The following PRPF6 variants were observed in gnomAD, a reference collection of about 807,000 sequenced individuals.
PRPF6 encodes pre-mRNA-processing factor 6.
A neutral mutation model predicts 118.3 loss-of-function variants in PRPF6; 42 were observed. That is an observed-to-expected ratio of 0.35 (90% CI 0.28 to 0.46). The LOEUF (loss-of-function observed/expected upper bound fraction) is 0.46, where lower values mean the gene tolerates loss of function less well. Among genes scored for constraint, PRPF6 ranks in the 20% least tolerant of loss-of-function variants. The probability of loss-of-function intolerance (pLI) is 1.00; values close to 1 mark genes in which losing one functional copy is unlikely to be tolerated. For missense variants in PRPF6, 662 were observed against 1,255.7 expected, an observed-to-expected ratio of 0.53 and a Z score of 7.15; for synonymous variants, 481 against 485.1, an observed-to-expected ratio of 0.99 and a Z score of 0.11.
chr20:64,002,853 A>C (rs1326428945), intron 9 of PRPF6, among the ~76,000 whole-genome samples: 1 of 146,846 alleles, frequency 6.8e-6, no homozygotes, highest in Non-Finnish European at 1.5e-5. Context: ...TGTGTTGACC[A>C]GGCTGGTCTT....
rs2059216093 is a variant in PRPF6, at chr20:64,011,276, T to C, written c.1306-9T>C. The C allele has an allele frequency of 1.9e-6, 3 of 1,613,802 alleles. No individual in the cohort carries two copies. In the Admixed American group the frequency reaches 5.0e-5, roughly 27 times the overall value. On this transcript the variant is annotated splice_polypyrimidine_tract_variant and intron_variant, in intron 10 of 20. Coordinates refer to ENST00000266079, the MANE Select transcript of PRPF6 (RefSeq NM_012469.4). The surrounding 1 kb of genome is among the most constrained non-coding windows in gnomAD (Gnocchi z 6.7). Reference sequence around the variant, plus strand: ...GTCCTCTCCTTTTTCTCGTGTCCTCTCCGCGTAGCTCTGGCTTGCTCTGGC... The same window carrying C: ...GTCCTCTCCTTTTTCTCGTGTCCTCCCCGCGTAGCTCTGGCTTGCTCTGGC...
chr20:64,026,240 C>T lies in PRPF6; in HGVS notation c.2028+182C>T, dbSNP rs1028003705. 1.3e-5 allele frequency among the ~76,000 whole-genome samples: 2 copies of T among 151,904 alleles called. No homozygotes were observed. The highest frequency in any genetic ancestry group is 4.8e-5 in the African/African-American group (2 of 41,304). On this transcript the variant is annotated intron_variant, in intron 15 of 20. Coordinates refer to ENST00000266079, the MANE Select transcript of PRPF6 (RefSeq NM_012469.4). This position sits in a 1 kb window ranked among gnomAD's most constrained non-coding sequence, Gnocchi z 4.4. Reference sequence around the variant, plus strand: ...CGGGCGTGGTGGCCGGGCGCGGTGGCTCACGCCTGTAATCTCAGCACTTTG... The same window carrying T: ...CGGGCGTGGTGGCCGGGCGCGGTGGTTCACGCCTGTAATCTCAGCACTTTG...
intron 20 of PRPF6, 144 bp from the exon 21 acceptor site, chr20:64,032,697 C>A: frequency 9.5e-7 from 1 of 1,049,014 alleles, no homozygotes; most frequent in Non-Finnish European, 1.4e-6. Context: ...GCCTTGCCTT[C>A]CGGTGCAGGG....
chr20:64,011,313 C>A lies in PRPF6; in HGVS notation c.1334C>A (p.Thr445Asn). 6.2e-7 allele frequency: 1 copy of A among 1,614,188 alleles called. No individual in the cohort carries two copies. The highest frequency in any genetic ancestry group is 8.5e-7 in the Non-Finnish European group (1 of 1,180,042). The change falls in exon 11 of 21, where the codon ACC becomes AAC. Residue 445 changes from threonine (T) to asparagine (N), a missense_variant. Coordinates refer to ENST00000266079, the MANE Select transcript of PRPF6 (RefSeq NM_012469.4). This position sits in a 1 kb window ranked among gnomAD's most constrained non-coding sequence, Gnocchi z 6.7. ...ELWLALARLE[T>N]YENARKVLNK... ...TGGCTTGCTCTGGCAAGGCTGGAGACCTATGAAAATGCCCGCAAGGTCTTG... is the reference window on the plus strand; with the variant it reads ...TGGCTTGCTCTGGCAAGGCTGGAGAACTATGAAAATGCCCGCAAGGTCTTG...
chr20:64,031,696 A>C (rs1400997733), intron 19 of PRPF6, among the ~76,000 whole-genome samples: 3 of 147,614 alleles, frequency 2.0e-5, no homozygotes, highest in African/African-American at 7.7e-5. Flanking sequence ...AAAAAACAAC[A>C]AAAAAAAACC....
intron 12 of PRPF6, among the ~76,000 whole-genome samples, chr20:64,019,125 C>T (rs2059252235): frequency 7.4e-6 from 1 of 135,572 alleles, no homozygotes. Context: ...GACAGAGTCT[C>T]ACTCTGTCTC....
At chr20:63,981,631 T>C (rs1243412255) in intron 1 of PRPF6, among the ~76,000 whole-genome samples, 1 of 150,484 alleles carries the variant, frequency 6.6e-6, no homozygotes, top group Non-Finnish European at 1.5e-5. Context: ...CTTCCTCAGG[T>C]CGGGCTGACA....
intron 6 of PRPF6, among the ~76,000 whole-genome samples, chr20:63,998,295 A>G (rs1009811143): frequency 4.0e-5 from 6 of 150,902 alleles, no homozygotes; most frequent in African/African-American, 7.3e-5. Flanking sequence ...GGGTTTCACC[A>G]TCCTGGCCAG....
intron 9 of PRPF6, among the ~76,000 whole-genome samples, chr20:64,009,640 T>C (rs2059206543): frequency 6.6e-6 from 1 of 152,164 alleles, no homozygotes; most frequent in Non-Finnish European, 1.5e-5. Flanking sequence ...GGAGAATCTC[T>C]GAACCCAGGA....
intron 6 of PRPF6, among the ~76,000 whole-genome samples, chr20:63,997,601 C>T (rs895360079): frequency 3.3e-5 from 5 of 151,930 alleles, no homozygotes; most frequent in African/African-American, 9.7e-5. Context: ...GAACTATAGG[C>T]GTGTGCCACC....
chr20:64,032,577 G>A (rs745882262), intron 20 of PRPF6, among the ~76,000 whole-genome samples: 1 of 152,256 alleles, frequency 6.6e-6, no homozygotes, highest in Admixed American at 6.5e-5. Context: ...GAGCACTTGT[G>A]TGAGGCACAG....
Position 64,026,093 on chromosome 20 carries a change from G to T in PRPF6, c.2028+35G>T, listed in dbSNP as rs2059288971. 6.3e-7 allele frequency: 1 copy of T among 1,597,758 alleles called. No homozygotes were observed. The highest frequency in any genetic ancestry group is 8.5e-7 in the Non-Finnish European group (1 of 1,179,320). On this transcript the variant is annotated intron_variant, in intron 15 of 20. Transcript: ENST00000266079. This position sits in a 1 kb window ranked among gnomAD's most constrained non-coding sequence, Gnocchi z 4.4. ...GGCAGGCAGGGCTGGGCCGTCTGGGGTGCATGGTGTGCACATGCGGGCCCC... is the reference window on the plus strand; with the variant it reads ...GGCAGGCAGGGCTGGGCCGTCTGGGTTGCATGGTGTGCACATGCGGGCCCC...
At chr20:64,016,897 G>A (rs2059240974) in intron 12 of PRPF6, 52 bp downstream of exon 12, 3 of 1,610,984 alleles carry the variant, frequency 1.9e-6, no homozygotes, top group African/African-American at 2.7e-5. Context: ...CTGCTTGTGG[G>A]AACAGCAGGC....
At chr20:64,003,751 A>C (rs979115788) in intron 9 of PRPF6, among the ~76,000 whole-genome samples, 5 of 152,186 alleles carry the variant, frequency 3.3e-5, no homozygotes, top group Non-Finnish European at 5.9e-5. Context: ...GCCCGCCACC[A>C]GGCCTGGCTA....
rs374229636 is a variant in PRPF6, at chr20:64,002,618, G to A, written c.1186+1379G>A. Among the ~76,000 whole-genome samples the A allele has an allele frequency of 2.1e-3, 313 of 150,814 alleles. 1 individual carries two copies. Among genetic ancestry groups the A allele is most frequent in the African/African-American group, 7.0e-3 (286 of 40,976 alleles). On this transcript the variant is annotated intron_variant, in intron 9 of 20. Coordinates refer to ENST00000266079, the MANE Select transcript of PRPF6 (RefSeq NM_012469.4). Reference sequence around the variant, plus strand: ...CCCAAAGTGCAGGGATTACAGGCGTGAGCCCCTGTGCCTGGCCTTTTCTTT... The same window carrying A: ...CCCAAAGTGCAGGGATTACAGGCGTAAGCCCCTGTGCCTGGCCTTTTCTTT...
intron 14 of PRPF6, among the ~76,000 whole-genome samples, chr20:64,025,214 T>TA (rs2059283479): frequency 1.3e-5 from 2 of 152,160 alleles, no homozygotes; most frequent in Non-Finnish European, 2.9e-5. Context: ...GAGAGGGGAC[T>TA]GGCCTGGGTT....
At chr20:63,993,530 C>A (rs1420735789) in intron 4 of PRPF6, 45 bp downstream of exon 4, 2 of 1,494,506 alleles carry the variant, frequency 1.3e-6, no homozygotes, top group African/African-American at 1.4e-5. Context: ...CTAACGCTCT[C>A]ACCCTAACCC....
Position 64,026,062 on chromosome 20 carries a change from C to T in PRPF6, c.2028+4C>T, listed in dbSNP as rs555183513. ...GAGCAGTGCCCCCACCGCCCGGGTACGCAGTGGCAGGCAGGGCTGGGCCGT... is the reference window on the plus strand; with the variant it reads ...GAGCAGTGCCCCCACCGCCCGGGTATGCAGTGGCAGGCAGGGCTGGGCCGT... On this transcript the variant is annotated splice_donor_region_variant and intron_variant, in intron 15 of 20. Transcript: ENST00000266079. This position sits in a 1 kb window ranked among gnomAD's most constrained non-coding sequence, Gnocchi z 4.4. The T allele has an allele frequency of 1.4e-5, 22 of 1,603,142 alleles. No individual in the cohort carries two copies. The highest frequency in any genetic ancestry group is 2.2e-5 in the East Asian group (1 of 44,880).
chr20:63,994,620 A>G (rs775808470), intron 4 of PRPF6, among the ~76,000 whole-genome samples: 3 of 152,012 alleles, frequency 2.0e-5, no homozygotes, highest in Admixed American at 1.3e-4. Context: ...AAAAATAAAA[A>G]CTTAGCCAGG....
Sources: gnomAD v4.1 joint callset for allele counts (sites outside exome capture counted in the v4.1 genomes callset) on GRCh38, gnomAD v4.1.1 for gene constraint, Gnocchi (gnomAD v3.1) non-coding constraint, MANE v1.5 for transcripts, NCBI Gene and HGNC (gene_info 2026-07-23, HGNC 2026-07-21) for gene names.